COL4A4: variants seen among roughly 807,000 people sequenced by gnomAD.
COL4A4 encodes collagen type IV alpha 4 chain.
COL4A4 carries 105 observed loss-of-function variants against 192.9 expected under a neutral mutation model. That is an observed-to-expected ratio of 0.54 (90% CI 0.46 to 0.64). The LOEUF is 0.64. COL4A4 is among the 30% of genes least tolerant of loss of function. COL4A4 has a pLI of 0.00. For missense variants in COL4A4, 1,967 were observed against 2,169.3 expected (o/e 0.91, Z 1.85); for synonymous variants, 762 against 769.9 (o/e 0.99, Z 0.17).
intron 4 of COL4A4, among the ~76,000 whole-genome samples, chr2:227,134,659 A>G (rs2062695537): frequency 6.6e-6 from 1 of 152,238 alleles, no homozygotes; most frequent in Non-Finnish European, 1.5e-5. Flanking sequence ...CATGGAATGC[A>G]AGCTCTTAGG....
chr2:227,082,924 C>A (rs187751576), intron 22 of COL4A4, among the ~76,000 whole-genome samples: 166 of 152,242 alleles, frequency 1.1e-3, no homozygotes, highest in African/African-American at 3.9e-3. Flanking sequence ...GAATATCAAA[C>A]CATGTCAAAA....
chr2:227,130,064 G>A (rs1432159535), intron 4 of COL4A4, among the ~76,000 whole-genome samples: 3 of 152,144 alleles, frequency 2.0e-5, no homozygotes, highest in South Asian at 4.2e-4. Context: ...AAAAAGGCCC[G>A]TTAGGTGCCA....
intron 22 of COL4A4, among the ~76,000 whole-genome samples, chr2:227,085,770 T>G (rs981801626): frequency 5.3e-5 from 8 of 152,292 alleles, no homozygotes; most frequent in African/African-American, 1.9e-4. Flanking sequence ...TCCACCCCCA[T>G]GACCAAAACA....
At chr2:227,110,616 C>T (rs946725282) in intron 9 of COL4A4, among the ~76,000 whole-genome samples, 3 of 149,898 alleles carry the variant, frequency 2.0e-5, no homozygotes, top group Admixed American at 6.7e-5. Flanking sequence ...CTCCTGACCT[C>T]GTGATCCACC....
At chr2:227,117,411 A>G (rs2061545875) in intron 7 of COL4A4, among the ~76,000 whole-genome samples, 1 of 152,222 alleles carries the variant, frequency 6.6e-6, no homozygotes, top group Non-Finnish European at 1.5e-5. Flanking sequence ...AAAGTAAAGG[A>G]TGGTTGAAAA....
intron 37 of COL4A4, among the ~76,000 whole-genome samples, chr2:227,037,804 A>G (rs762398260): frequency 1.3e-5 from 2 of 152,096 alleles, no homozygotes; most frequent in Admixed American, 1.3e-4. Context: ...ATGGTATCTC[A>G]TTGTGGTTTT....
intron 44 of COL4A4, among the ~76,000 whole-genome samples, chr2:227,016,167 G>A (rs1449522552): frequency 6.6e-6 from 1 of 152,046 alleles, no homozygotes; most frequent in African/African-American, 2.4e-5. Flanking sequence ...GCAGGATAGG[G>A]GCAAGAGATG....
At chr2:227,083,213 A>C (rs1193055719) in intron 22 of COL4A4, among the ~76,000 whole-genome samples, 1 of 152,174 alleles carries the variant, frequency 6.6e-6, no homozygotes, top group Admixed American at 6.5e-5. Flanking sequence ...TGGGTGACAG[A>C]GCAAGACTCT....
chr2:227,026,698 CAT>C (rs570618096), intron 42 of COL4A4, among the ~76,000 whole-genome samples: 83 of 152,276 alleles, frequency 5.5e-4, no homozygotes, highest in African/African-American at 1.8e-3. Flanking sequence ...CTCAAATACA[CAT>C]GTCTGTTTGC....
At position 227,032,636 on chromosome 2, in the gene COL4A4, T is replaced by C. The variant is rs186156487; in HGVS notation, c.3578-360A>G. ...GTGGAAACTGGCATGATTAGAACTA[T>C]TGTGGAATTTCACACTGGGAAGGAA... On this transcript the variant is annotated intron_variant, in intron 38 of 47. Transcript: ENST00000396625. 5.7e-3 allele frequency among the ~76,000 whole-genome samples: 861 copies of C among 152,348 alleles called. 9 individuals are homozygous for C. The highest frequency in any genetic ancestry group is 0.02 in the African/African-American group (825 of 41,582).
chr2:227,047,943 A>G (rs1455870664), intron 34 of COL4A4, among the ~76,000 whole-genome samples: 1 of 152,206 alleles, frequency 6.6e-6, no homozygotes, highest in East Asian at 1.9e-4. Flanking sequence ...TGCTGCAATC[A>G]TATTTCAAGC....
At chr2:227,044,951 C>A (rs1576060260) in intron 35 of COL4A4, among the ~76,000 whole-genome samples, 1 of 152,180 alleles carries the variant, frequency 6.6e-6, no homozygotes, top group Non-Finnish European at 1.5e-5. Context: ...GGAGAACAGG[C>A]AAATTTGGCC....
chr2:227,070,935 C>T (rs963788598), intron 25 of COL4A4, among the ~76,000 whole-genome samples: 3 of 151,662 alleles, frequency 2.0e-5, no homozygotes, highest in Middle Eastern at 6.8e-3. Flanking sequence ...GAAACAAAAG[C>T]CTGATATGCA....
At chr2:227,055,863 G>T in intron 30 of COL4A4, 82 bp downstream of exon 30, 1 of 1,243,352 alleles carries the variant, frequency 8.0e-7, no homozygotes, top group Non-Finnish European at 1.2e-6. Context: ...CTCTTTTTGT[G>T]TGGTCATCTG....
chr2:226,978,447 C>A, the COL4A4 span, among the ~76,000 whole-genome samples: 2 of 152,022 alleles, frequency 1.3e-5, no homozygotes, highest in Non-Finnish European at 2.9e-5. Flanking sequence ...TGGATCTGAC[C>A]CCTGGACATA....
chr2:226,985,844 C>T, the COL4A4 span, among the ~76,000 whole-genome samples: 3 of 152,260 alleles, frequency 2.0e-5, no homozygotes, highest in African/African-American at 7.2e-5. Context: ...GACAAAGCCA[C>T]CTTGAGATGC....
chr2:226,972,655 G>T, the COL4A4 span, among the ~76,000 whole-genome samples: 2 of 152,146 alleles, frequency 1.3e-5, no homozygotes, highest in African/African-American at 2.4e-5. Context: ...GAAATTTTTT[G>T]AGTCAGTCAT....
chr2:226,979,411 C>A, the COL4A4 span, among the ~76,000 whole-genome samples: 1 of 152,166 alleles, frequency 6.6e-6, no homozygotes, highest in East Asian at 1.9e-4. Context: ...CCAATTGAAT[C>A]CCAGGTCACC....
intron 35 of COL4A4, among the ~76,000 whole-genome samples, 153 bp from the exon 36 acceptor site, chr2:227,043,337 A>G (rs1245735313): frequency 2.0e-5 from 3 of 152,234 alleles, no homozygotes; most frequent in Non-Finnish European, 4.4e-5. Flanking sequence ...GGAAAAACTG[A>G]TAACAAAATG....
Sources: gnomAD v4.1 joint callset for allele counts (sites outside exome capture counted in the v4.1 genomes callset) on GRCh38, gnomAD v4.1.1 for gene constraint, MANE v1.5 for transcripts, NCBI Gene and HGNC (gene_info 2026-07-23, HGNC 2026-07-21) for gene names.